The following MYO7B variants were observed in gnomAD, a reference collection of about 807,000 sequenced individuals.
MYO7B encodes unconventional myosin-VIIb.
MYO7B carries 212 observed loss-of-function variants against 259.7 expected under a neutral mutation model. That is an observed-to-expected ratio of 0.82 (90% CI 0.73 to 0.91). The LOEUF (loss-of-function observed/expected upper bound fraction) is 0.91, where lower values mean the gene tolerates loss of function less well. MYO7B is among the 40% of genes least tolerant of loss of function. The pLI, the probability that MYO7B is intolerant of heterozygous loss-of-function variation, is 0.00. For missense variants in MYO7B, 2,732 were observed against 2,813.5 expected, an observed-to-expected ratio of 0.97 and a Z score of 0.66; for synonymous variants, 1,197 against 1,166.4, an observed-to-expected ratio of 1.03 and a Z score of -0.54.
In MYO7B at chr2:127,574,017, G is replaced by A. The variant is rs1469170662; in HGVS notation, c.690G>A (p.Ala230=). Residue 230 remains alanine, a synonymous_variant, in exon 7 of 48, where the codon GCG becomes GCA. Transcript: ENST00000409816. ...YFNPSGVIEG[A]RIEQFLLEKS... is the part of the protein sequence containing the mutation. Reference sequence around the variant, plus strand: ...ACCCCAGCGGGGTGATCGAGGGCGCGCGCATCGAGCAATTTCTCCTGGAGA... The same window carrying A: ...ACCCCAGCGGGGTGATCGAGGGCGCACGCATCGAGCAATTTCTCCTGGAGA... 15 of 1,613,928 alleles carry A rather than the reference G, an allele frequency of 9.3e-6. No individual in the cohort carries two copies. The highest frequency in any genetic ancestry group is 4.4e-5 in the South Asian group (4 of 91,088).
At position 127,627,190 on chromosome 2, in the gene MYO7B, G is replaced by A. The variant is rs372450782; in HGVS notation, c.4340G>A (p.Arg1447His). The A allele has an allele frequency of 3.4e-5, 55 of 1,608,508 alleles. No homozygotes were observed. Among genetic ancestry groups the A allele is most frequent in the Admixed American group, 6.8e-5 (4 of 59,170 alleles). Residue 1447 changes from arginine (R) to histidine (H), a missense_variant, in exon 33 of 48, where the codon CGC becomes CAC. Around this residue, in one of 3 missense-constraint regions of MYO7B, gnomAD observed 1,906 missense variants for 2,026.4 expected, o/e 0.94. Coordinates refer to ENST00000409816, the MANE Select transcript of MYO7B (RefSeq NM_001393586.1). This position sits in a 1 kb window ranked among gnomAD's most constrained non-coding sequence, Gnocchi z 5.6. ...TGCCGTCTCTCCTGGCCAGGCCCCC[G>A]CCTGCCCAAGACGCAGCTGATCTTG... Reference protein sequence around the residue: ...LFEVITLSGPRLPKTQLILAV... With the variant: ...LFEVITLSGPHLPKTQLILAV...
intron 3 of MYO7B, 48 bp downstream of exon 3, chr2:127,564,314 A>G (rs1166640226): frequency 6.9e-6 from 10 of 1,444,054 alleles, no homozygotes; most frequent in Non-Finnish European, 7.6e-6. Context: ...CCTCACATCC[A>G]GGGCCCTGGA....
At chr2:127,622,835 G>T (rs1004197849) in intron 28 of MYO7B, among the ~76,000 whole-genome samples, 1 of 152,230 alleles carries the variant, frequency 6.6e-6, no homozygotes, top group African/African-American at 2.4e-5. Flanking sequence ...CCTGGACTCA[G>T]ATTCCCAAGA....
chr2:127,588,590 C>T (rs1426572127), intron 15 of MYO7B, 35 bp downstream of exon 15: 3 of 1,610,882 alleles, frequency 1.9e-6, no homozygotes, highest in South Asian at 1.1e-5. Context: ...GTCTGTCACC[C>T]CTGATGGCTA....
In MYO7B at chr2:127,576,731, C is replaced by T. The variant is rs2104916362; in HGVS notation, c.849+23C>T. 1 of 1,496,624 alleles carries T rather than the reference C, an allele frequency of 6.7e-7. No individual in the cohort carries two copies. Among genetic ancestry groups the T allele is most frequent in the East Asian group, 2.3e-5 (1 of 43,836 alleles). The allele number at this position is 1,496,624 out of a possible 1,614,324, so 92.7% of individuals were successfully genotyped here. On this transcript the variant is annotated intron_variant, in intron 8 of 47. Transcript: ENST00000409816. This position sits in a 1 kb window ranked among gnomAD's most constrained non-coding sequence, Gnocchi z 4.9. ...ATGGTGAGCTGCCCACCTGCCGCCT[C>T]CCAGTAGCCAGTGGAAGGGAGGAAA...
chr2:127,631,842 C>T (rs910150468), intron 38 of MYO7B, 89 bp downstream of exon 38: 5 of 1,496,298 alleles, frequency 3.3e-6, no homozygotes, highest in African/African-American at 2.8e-5. Flanking sequence ...GAGGACACCG[C>T]AGCTGGTGGC....
At chr2:127,616,276 C>T (rs916871291) in intron 26 of MYO7B, among the ~76,000 whole-genome samples, 1 of 152,096 alleles carries the variant, frequency 6.6e-6, no homozygotes, top group African/African-American at 2.4e-5. Context: ...ATCCATAAGC[C>T]CACAAAATCT....
In MYO7B at chr2:127,588,458, A is replaced by G. The variant is rs370380006; in HGVS notation, c.1757A>G (p.Asn586Ser). 442 of 1,613,224 alleles carry G rather than the reference A, an allele frequency of 2.7e-4. No homozygotes were observed. The highest frequency in any genetic ancestry group is 3.4e-4 in the Non-Finnish European group (397 of 1,179,852). ...CTCACCCTGGTTTACTCCTCCAAAAACAAGTTTCTGAGGGAGATATTCAAC... is the reference window on the plus strand; with the variant it reads ...CTCACCCTGGTTTACTCCTCCAAAAGCAAGTTTCTGAGGGAGATATTCAAC... Reference protein sequence around the residue: ...DILTLVYSSKNKFLREIFNLE... With the variant: ...DILTLVYSSKSKFLREIFNLE... Residue 586 changes from asparagine (N) to serine (S), a missense_variant, in exon 15 of 48, where the codon AAC becomes AGC. Asn to Ser is a conservative substitution (Grantham distance 46, BLOSUM62 1). Around this residue, in one of 3 missense-constraint regions of MYO7B, gnomAD observed 1,906 missense variants for 2,026.4 expected, o/e 0.94. Transcript: ENST00000409816.
chr2:127,636,143 GC>G lies in MYO7B; in HGVS notation c.6007-60del, dbSNP rs1379086092. On this transcript the variant is annotated intron_variant, in intron 44 of 47. Transcript: ENST00000409816. This position sits in a 1 kb window ranked among gnomAD's most constrained non-coding sequence, Gnocchi z 4.5. ...ACTAGCCCTGGGGTAGGCAGGTGCT[GC>G]CCCCACCAGGGCTTTGGAGGGCCTC... 7.3e-7 allele frequency: 1 copy of G among 1,362,666 alleles called. No individual in the cohort carries two copies. The highest frequency in any genetic ancestry group is 1.0e-6 in the Non-Finnish European group (1 of 965,568). 84.4% of individuals were successfully genotyped at this position (1,362,666 alleles called of 1,614,324 possible).
rs534858932 is a variant in MYO7B at position 127,546,029 on chromosome 2, C to T, written c.-24+10198C>T. On this transcript the variant is annotated intron_variant, in intron 1 of 47. Coordinates refer to ENST00000409816, the MANE Select transcript of MYO7B (RefSeq NM_001393586.1). The surrounding 1 kb of genome is among the most constrained non-coding windows in gnomAD (Gnocchi z 4.2). ...AACCTGTGTTCTTCTTGAGTGATGG[C>T]TTCCATGCCAGGTACTCTCAGCTCT... is the stretch of plus-strand genomic sequence containing the variant. Among the ~76,000 whole-genome samples the T allele has an allele frequency of 9.8e-5, 15 of 152,344 alleles. No individual in the cohort carries two copies. The East Asian group carries it at 2.1e-3, about 22-fold the overall frequency.
At chr2:127,570,397 G>A (rs1374212539) in intron 6 of MYO7B, among the ~76,000 whole-genome samples, 1 of 152,200 alleles carries the variant, frequency 6.6e-6, no homozygotes, top group Non-Finnish European at 1.5e-5. Flanking sequence ...CTTGGGTCGG[G>A]AGAGGCTCAC....
intron 42 of MYO7B, 107 bp from the exon 43 acceptor site, chr2:127,635,013 G>A: frequency 2.3e-6 from 2 of 852,368 alleles, no homozygotes; most frequent in Middle Eastern, 2.4e-4. Flanking sequence ...GAAGCGTGGG[G>A]GCTTTCGAGG....
At chr2:127,549,151 C>T (rs866932271) in intron 1 of MYO7B, among the ~76,000 whole-genome samples, 17 of 129,890 alleles carry the variant, frequency 1.3e-4, no homozygotes, top group African/African-American at 5.3e-4. Context: ...CTTCTTTCTT[C>T]CTTCCTTCCT....
intron 1 of MYO7B, among the ~76,000 whole-genome samples, chr2:127,555,970 AC>A (rs1693618701): frequency 6.6e-6 from 1 of 152,114 alleles, no homozygotes; most frequent in Admixed American, 6.5e-5. Context: ...TGTCTTGAGG[AC>A]CTGCCTAGTG....
intron 2 of MYO7B, among the ~76,000 whole-genome samples, chr2:127,562,151 C>A (rs1678115589): frequency 6.6e-6 from 1 of 152,082 alleles, no homozygotes; most frequent in Non-Finnish European, 1.5e-5. Flanking sequence ...TCCTTGAAGG[C>A]CTTATCTGCA....
chr2:127,637,447 C>A lies in MYO7B; in HGVS notation c.*30C>A. Reference sequence around the variant, plus strand: ...GGATGCTGGCGTGTCTGCTCAGGCGCCCTTCCCGACCTCTAGCCTGGCGGC... The same window carrying A: ...GGATGCTGGCGTGTCTGCTCAGGCGACCTTCCCGACCTCTAGCCTGGCGGC... On this transcript the variant is annotated 3_prime_UTR_variant, in exon 48 of 48. Coordinates refer to ENST00000409816, the MANE Select transcript of MYO7B (RefSeq NM_001393586.1). 6.9e-7 allele frequency: 1 copy of A among 1,446,626 alleles called. No homozygotes were observed. Among genetic ancestry groups the A allele is most frequent in the Non-Finnish European group, 9.2e-7 (1 of 1,086,480 alleles). The allele number at this position is 1,446,626 out of a possible 1,614,324, so 89.6% of individuals were successfully genotyped here.
rs1678871380 is a variant in MYO7B at position 127,576,535 on chromosome 2, C to A, written c.736-60C>A. On this transcript the variant is annotated intron_variant, in intron 7 of 47. Transcript: ENST00000409816. This position sits in a 1 kb window ranked among gnomAD's most constrained non-coding sequence, Gnocchi z 4.9. The stretch of plus-strand genomic sequence containing the variant: ...TGGGCTGGGCAGAGGCAGTCTGAGG[C>A]CCTGAGGCCTCAGGGGAATGGCTCA... 1 of 1,103,762 alleles carries A rather than the reference C, an allele frequency of 9.1e-7. No individual in the cohort carries two copies. The highest frequency in any genetic ancestry group is 1.3e-6 in the Non-Finnish European group (1 of 766,372). The allele number at this position is 1,103,762 out of a possible 1,614,324, so 68.4% of individuals were successfully genotyped here. A position where few individuals can be genotyped will look rare whatever the true frequency, so the allele number is the denominator to read the frequency against.
intron 10 of MYO7B, 141 bp downstream of exon 10, chr2:127,580,963 T>A (rs1249859687): frequency 3.6e-6 from 3 of 830,054 alleles, no homozygotes; most frequent in African/African-American, 1.7e-5. Flanking sequence ...CCCTCCCTTC[T>A]GTATACTGCA....
intron 1 of MYO7B, among the ~76,000 whole-genome samples, chr2:127,543,041 C>T (rs986750475): frequency 2.0e-5 from 3 of 152,294 alleles, no homozygotes; most frequent in Non-Finnish European, 4.4e-5. Flanking sequence ...TTCCCAGGGA[C>T]GAGCAGGAGA....
Sources: gnomAD v4.1 joint callset for allele counts (sites outside exome capture counted in the v4.1 genomes callset) on GRCh38, gnomAD v4.1.1 for gene constraint, gnomAD v4.1.1 regional missense constraint, Gnocchi (gnomAD v3.1) non-coding constraint, MANE v1.5 for transcripts, NCBI Gene and HGNC (gene_info 2026-07-23, HGNC 2026-07-21) for gene names.